The following KIF15 variants were observed in gnomAD, a reference collection of about 807,000 sequenced individuals.
The protein encoded by KIF15 is kinesin family member 15.
In KIF15, 140 loss-of-function variants were observed where a neutral mutation model predicts 190.6. The ratio of observed to expected loss-of-function variants is 0.73; its 90% CI spans 0.64 to 0.84. The LOEUF is 0.84. Ranked by LOEUF, KIF15 falls within the 40% of genes least tolerant of loss-of-function variation. The pLI is 0.00. For missense variants in KIF15, 1,372 were observed against 1,584.4 expected (o/e 0.87, Z 2.28); for synonymous variants, 528 against 551.3 (o/e 0.96, Z 0.59).
downstream of KIF15, among the ~76,000 whole-genome samples, chr3:44,858,132 T>C (rs1450797939): frequency 6.6e-6 from 1 of 151,148 alleles, no homozygotes; most frequent in Non-Finnish European, 1.5e-5. Flanking sequence ...GGACGAGGGG[T>C]GTAGGGGAAT....
intron 1 of KIF15, among the ~76,000 whole-genome samples, chr3:44,765,166 C>T (rs932011078): frequency 2.6e-5 from 4 of 152,200 alleles, no homozygotes; most frequent in East Asian, 1.9e-4. Context: ...CACTTTCTCT[C>T]GCTATTTGCT....
chr3:44,786,410 A>G lies in KIF15; in HGVS notation c.475A>G (p.Ser159Gly). The change falls in exon 7 of 35, where the codon AGT becomes GGT. Residue 159 changes from serine to glycine, a missense_variant. Coordinates refer to ENST00000326047, the MANE Select transcript of KIF15 (RefSeq NM_020242.3). ...TTTTTTACAGGCTGGAGCTGGAAAG[A>G]GTTTCCTTTGTAAGTGTTCCTTTAT... ...REKEKAGAGK[S>G]FLCKCSFIEI... 8 of 1,609,906 alleles carry G rather than the reference A, an allele frequency of 5.0e-6. No homozygotes were observed. The highest frequency in any genetic ancestry group is 6.8e-6 in the Non-Finnish European group (8 of 1,177,166).
intron 24 of KIF15, among the ~76,000 whole-genome samples, chr3:44,828,867 A>C (rs1196662870): frequency 6.6e-6 from 1 of 152,034 alleles, no homozygotes; most frequent in Non-Finnish European, 1.5e-5. Flanking sequence ...GAGAAACCCC[A>C]TCTCTACTAA....
At chr3:44,829,620 T>C (rs1180115549) in intron 24 of KIF15, among the ~76,000 whole-genome samples, 15 of 125,810 alleles carry the variant, frequency 1.2e-4, no homozygotes, top group Non-Finnish European at 1.7e-4. Context: ...ATTATATATG[T>C]ATATACATTA....
chr3:44,804,481 A>C (rs1707404728), intron 14 of KIF15, among the ~76,000 whole-genome samples: 1 of 152,208 alleles, frequency 6.6e-6, no homozygotes, highest in Non-Finnish European at 1.5e-5. Flanking sequence ...TGTTAACATT[A>C]GCTGCTAGCA....
At chr3:44,834,430 A>G (rs1489895201) in intron 26 of KIF15, among the ~76,000 whole-genome samples, 1 of 152,242 alleles carries the variant, frequency 6.6e-6, no homozygotes, top group African/African-American at 2.4e-5. Flanking sequence ...TATTGAGTTT[A>G]GTAATCAGTT....
intron 22 of KIF15, chr3:44,826,938 A>T: frequency 6.7e-6 from 3 of 446,784 alleles, no homozygotes; most frequent in South Asian, 4.8e-5. Context: ...AATGAGAAGA[A>T]TTTGTTTATT....
intron 17 of KIF15, among the ~76,000 whole-genome samples, chr3:44,811,489 G>A (rs1707780158): frequency 6.6e-6 from 1 of 152,046 alleles, no homozygotes; most frequent in Non-Finnish European, 1.5e-5. Flanking sequence ...CTACTAAATA[G>A]ACAAAATTAG....
chr3:44,807,191 T>C (rs537976886), intron 16 of KIF15, among the ~76,000 whole-genome samples: 27 of 152,348 alleles, frequency 1.8e-4, no homozygotes, highest in African/African-American at 6.5e-4. Context: ...TTGTATTCAT[T>C]TGAATAGGTA....
chr3:44,780,840 TTTTAA>T, intron 4 of KIF15, 40 bp from the exon 5 acceptor site: 4 of 1,371,500 alleles, frequency 2.9e-6, no homozygotes, highest in African/African-American at 2.9e-5. Context: ...AGGAGTAGTC[TTTTAA>T]TTTTATGTGT....
In KIF15 at chr3:44,851,821, G is replaced by C. The variant is rs77808243; in HGVS notation, c.3841G>C (p.Glu1281Gln). Reference sequence around the variant, plus strand: ...AGTCCAAAGTGCCCTTTACAACAAAGAGATGGAATGCCTTAGAATGACTGA... The same window carrying C: ...AGTCCAAAGTGCCCTTTACAACAAACAGATGGAATGCCTTAGAATGACTGA... Reference protein sequence around the residue: ...EEVQSALYNKEMECLRMTDEV... With the variant: ...EEVQSALYNKQMECLRMTDEV... The change falls in exon 33 of 35, where the codon GAG becomes CAG. Residue 1281 changes from glutamate to glutamine, a missense_variant. Coordinates refer to ENST00000326047, the MANE Select transcript of KIF15 (RefSeq NM_020242.3). The C allele has an allele frequency of 6.2e-7, 1 of 1,613,866 alleles. No homozygotes were observed. Among genetic ancestry groups the C allele is most frequent in the Non-Finnish European group, 8.5e-7 (1 of 1,179,878 alleles).
intron 30 of KIF15, among the ~76,000 whole-genome samples, chr3:44,847,112 C>A (rs903828770): frequency 6.6e-6 from 1 of 152,170 alleles, no homozygotes; most frequent in Non-Finnish European, 1.5e-5. Flanking sequence ...CATATCTTTC[C>A]CTAATGATTT....
Position 44,806,001 on chromosome 3 carries a change from C to A in KIF15, c.1971+15C>A, listed in dbSNP as rs202242655. The A allele has an allele frequency of 3.0e-4, 489 of 1,611,360 alleles. No individual in the cohort carries two copies. Among genetic ancestry groups the A allele is most frequent in the Non-Finnish European group, 3.9e-4 (457 of 1,178,922 alleles). On this transcript the variant is annotated intron_variant, in intron 16 of 34. Coordinates refer to ENST00000326047, the MANE Select transcript of KIF15 (RefSeq NM_020242.3). ...AAACACTTAAGGTAGGTCATCTGAA[C>A]AATACCTCCACCTTAAATCAGTGCA...
intron 6 of KIF15, chr3:44,864,904 C>T (rs1699303688): frequency 9.0e-7 from 1 of 1,109,880 alleles, no homozygotes; most frequent in African/African-American, 1.6e-5. Flanking sequence ...ATGAAGGTGA[C>T]AGCTAGGTTT....
chr3:44,853,815 T>A (rs1301774323), downstream of KIF15, among the ~76,000 whole-genome samples: 1 of 152,350 alleles, frequency 6.6e-6, no homozygotes, highest in Non-Finnish European at 1.5e-5. Context: ...TATGGAATAT[T>A]ACTTGGCAAT....
chr3:44,813,224 T>A, intron 19 of KIF15, 44 bp downstream of exon 19: 1 of 1,042,178 alleles, frequency 9.6e-7, no homozygotes, highest in Non-Finnish European at 1.4e-6. Context: ...AGGAATACTG[T>A]AACTCAATAT....
At chr3:44,836,271 G>A (rs370935382) in intron 26 of KIF15, among the ~76,000 whole-genome samples, 22 of 152,188 alleles carry the variant, frequency 1.4e-4, no homozygotes, top group East Asian at 5.8e-4. Flanking sequence ...CATGAGAATC[G>A]CTTGAACCTG....
chr3:44,790,827 G>A (rs1014187139), intron 7 of KIF15, among the ~76,000 whole-genome samples: 1 of 151,660 alleles, frequency 6.6e-6, no homozygotes, highest in African/African-American at 2.4e-5. Flanking sequence ...CGAGTAGCTG[G>A]GACTACAGGC....
Position 44,801,518 on chromosome 3 carries a change from GA to G in KIF15, c.1295del (p.Lys432ArgfsTer4). ...AMLFFKKSEQEKKSLIEKVTQ... is the reference protein window; with the variant it reads ...AMLFFKKSEQXKKSLIEKVTQ... ...GTTATTCTTTAAGAAATCTGAACAG[GA>G]AAAGAAGGTAGGAAATGGAATTAGT... is the stretch of plus-strand genomic sequence containing the variant. On this transcript the variant is annotated frameshift_variant, in exon 12 of 35. Coordinates refer to ENST00000326047, the MANE Select transcript of KIF15 (RefSeq NM_020242.3). LOFTEE classifies it high-confidence loss of function. 1.3e-6 allele frequency: 2 copies of G among 1,559,512 alleles called. No homozygotes were observed. Among genetic ancestry groups the G allele is most frequent in the Non-Finnish European group, 1.8e-6 (2 of 1,131,446 alleles).
Sources: allele counts gnomAD v4.1 joint callset (sites outside exome capture counted in the v4.1 genomes callset), GRCh38; gene constraint gnomAD v4.1.1; transcripts MANE v1.5; gene names NCBI Gene and HGNC (gene_info 2026-07-23, HGNC 2026-07-21).